The following BRI3BP variants were observed in gnomAD, a reference collection of about 807,000 sequenced individuals.
BRI3BP encodes the protein BRI3-binding protein.
BRI3BP carries 7 observed loss-of-function variants against 15.8 expected under a neutral mutation model. The observed-to-expected ratio is 0.44, with a 90% CI of 0.25 to 0.83. The LOEUF is 0.83. Ranked by LOEUF, BRI3BP falls within the 40% of genes least tolerant of loss-of-function variation. The pLI, the probability that BRI3BP is intolerant of heterozygous loss-of-function variation, is 0.20. For missense variants in BRI3BP, 320 were observed against 339.3 expected (o/e 0.94, Z 0.45); for synonymous variants, 192 against 163.5 (o/e 1.17, Z -1.33).
the BRI3BP span, among the ~76,000 whole-genome samples, chr12:125,045,093 T>C: frequency 6.6e-6 from 1 of 152,168 alleles, no homozygotes; most frequent in African/African-American, 2.4e-5. Flanking sequence ...TGGCTATGGA[T>C]TGGATATTGA....
chr12:125,040,319 G>C, the BRI3BP span, among the ~76,000 whole-genome samples: 1 of 148,094 alleles, frequency 6.8e-6, no homozygotes, highest in Admixed American at 6.7e-5. Context: ...TTTTGTTTTT[G>C]TTTTTTCAAA....
chr12:125,018,978 C>T (rs564898994), intron 2 of BRI3BP, among the ~76,000 whole-genome samples: 4 of 152,246 alleles, frequency 2.6e-5, no homozygotes, highest in Admixed American at 6.5e-5. Flanking sequence ...CCTGCCTCGG[C>T]CTCCTGAGTA....
chr12:125,003,094 A>C (rs1041674653), intron 1 of BRI3BP, among the ~76,000 whole-genome samples: 3 of 145,998 alleles, frequency 2.1e-5, no homozygotes, highest in Non-Finnish European at 3.0e-5. Context: ...TGCTTGGGAA[A>C]CCTCTGAATG....
chr12:125,005,022 T>C (rs1308336223), intron 1 of BRI3BP, among the ~76,000 whole-genome samples: 1 of 152,048 alleles, frequency 6.6e-6, no homozygotes, highest in Non-Finnish European at 1.5e-5. Context: ...AGTTTTGTGT[T>C]TTTAGTAGAG....
At chr12:125,022,537 A>AT (rs1391143992) in intron 2 of BRI3BP, among the ~76,000 whole-genome samples, 1 of 70,614 alleles carries the variant, frequency 1.4e-5, no homozygotes, top group African/African-American at 7.8e-5. Context: ...TTATTTATTT[A>AT]TTTATTTTTT....
chr12:125,049,388 C>A, the BRI3BP span, among the ~76,000 whole-genome samples: 2 of 152,178 alleles, frequency 1.3e-5, no homozygotes, highest in Non-Finnish European at 2.9e-5. Context: ...CCAGCGCACT[C>A]ATCCTAGGGG....
intron 2 of BRI3BP, among the ~76,000 whole-genome samples, chr12:125,019,953 C>CTTTTTTTTTTTTTTTTTT (rs71092263): frequency 1.3e-5 from 1 of 75,088 alleles, no homozygotes; most frequent in Non-Finnish European, 2.4e-5. Context: ...CAACAACAGA[C>CTTTTTTTTTTTTTTTTTT]TTTTTTTTTT....
At chr12:125,033,227 G>A (rs1030775340), downstream of BRI3BP, among the ~76,000 whole-genome samples, 4 of 152,030 alleles carry the variant, frequency 2.6e-5, no homozygotes, top group Non-Finnish European at 2.9e-5. Flanking sequence ...ACTTTATCTT[G>A]TGTAAAATGT....
At chr12:125,021,033 G>C (rs917667767) in intron 2 of BRI3BP, among the ~76,000 whole-genome samples, 4 of 152,162 alleles carry the variant, frequency 2.6e-5, no homozygotes, top group Admixed American at 6.5e-5. Context: ...GAGTGCAAAC[G>C]GTCTTGAGAC....
chr12:125,031,189 G>C lies in BRI3BP; in HGVS notation c.*5759G>C, dbSNP rs1461949523. 6.6e-6 allele frequency: 1 copy of C among 152,124 alleles called. No homozygotes were observed. The allele number at this position is 152,124 out of a possible 1,614,324, so 9.4% of individuals were successfully genotyped here. ...CTTAATAAATGTTTATTGTAATTTT[G>C]TTGTATGGACTTTTAAAATATATCT... On this transcript the variant is annotated 3_prime_UTR_variant, in exon 3 of 3. Coordinates refer to ENST00000341446, the MANE Select transcript of BRI3BP (RefSeq NM_080626.6).
chr12:125,041,292 G>A, the BRI3BP span, among the ~76,000 whole-genome samples: 1 of 151,842 alleles, frequency 6.6e-6, no homozygotes. Flanking sequence ...TCCTGATCTC[G>A]TGATCCACCT....
At chr12:125,032,077 G>A (rs1007997499), downstream of BRI3BP, among the ~76,000 whole-genome samples, 6 of 152,174 alleles carry the variant, frequency 3.9e-5, no homozygotes, top group African/African-American at 1.4e-4. Flanking sequence ...AGGACGTGCA[G>A]TAGGTAGTAA....
At chr12:125,039,738 T>TGAG in the BRI3BP span, among the ~76,000 whole-genome samples, 1 of 152,146 alleles carries the variant, frequency 6.6e-6, no homozygotes, top group African/African-American at 2.4e-5. Flanking sequence ...ACTCATTCAT[T>TGAG]TGCAAAGGTG....
intron 2 of BRI3BP, among the ~76,000 whole-genome samples, chr12:125,022,383 T>G (rs1256378909): frequency 2.0e-5 from 3 of 152,114 alleles, no homozygotes; most frequent in African/African-American, 7.2e-5. Flanking sequence ...ATGGGTCTCT[T>G]CTCAATTAAT....
intron 1 of BRI3BP, among the ~76,000 whole-genome samples, chr12:125,011,093 T>TAAAAA (rs35697952): frequency 3.2e-5 from 3 of 93,462 alleles, no homozygotes; most frequent in Admixed American, 1.3e-4. Context: ...GACCCTGTCT[T>TAAAAA]AAAAAAAAAA....
the BRI3BP span, among the ~76,000 whole-genome samples, chr12:125,043,470 A>G: frequency 6.6e-6 from 1 of 152,054 alleles, no homozygotes; most frequent in Admixed American, 6.6e-5. Context: ...TATGCCTATA[A>G]TCCCAGCACT....
intron 2 of BRI3BP, among the ~76,000 whole-genome samples, chr12:125,016,533 G>A (rs555071769): frequency 1.3e-5 from 2 of 148,484 alleles, no homozygotes; most frequent in African/African-American, 5.0e-5. Context: ...GGTGGGGAGT[G>A]GGGGGTAGGA....
intron 1 of BRI3BP, among the ~76,000 whole-genome samples, chr12:124,997,258 C>T (rs892471210): frequency 1.1e-5 from 1 of 94,056 alleles, no homozygotes; most frequent in African/African-American, 4.2e-5. Flanking sequence ...CTTCTTCTCC[C>T]AGGCTGGAGT....
chr12:124,998,934 T>A lies in BRI3BP; in HGVS notation c.213+4931T>A, dbSNP rs543995210. On this transcript the variant is annotated intron_variant, in intron 1 of 2. Coordinates refer to ENST00000341446, the MANE Select transcript of BRI3BP (RefSeq NM_080626.6). ...TCTACGAAAAACCAAAACCTTTGGC[T>A]AGGCATGGTGGCGCACACCTGTGGT... 7.9e-5 allele frequency among the ~76,000 whole-genome samples: 12 copies of A among 152,042 alleles called. No homozygotes were observed. The South Asian group carries it at 2.5e-3, about 32-fold the overall frequency.
Sources: allele counts gnomAD v4.1 joint callset (sites outside exome capture counted in the v4.1 genomes callset), GRCh38; gene constraint gnomAD v4.1.1; transcripts MANE v1.5; gene names NCBI Gene and HGNC (gene_info 2026-07-23, HGNC 2026-07-21).